FGF12: variants seen among roughly 807,000 people sequenced by gnomAD.
The protein encoded by FGF12 is fibroblast growth factor 12B.
In FGF12, 14 loss-of-function variants were observed where a neutral mutation model predicts 23.6. That is an observed-to-expected ratio of 0.59 (90% CI 0.39 to 0.93). The LOEUF is 0.93. FGF12 is among the 40% of genes least tolerant of loss of function. FGF12 has a pLI of 0.00. For synonymous variants in FGF12, 62 were observed against 77.3 expected (o/e 0.80, Z 1.04); for missense variants, 175 against 217.8 (o/e 0.80, Z 1.24).
At chr3:192,714,478 A>G (rs75553829) in intron 2 of FGF12, among the ~76,000 whole-genome samples, 8,166 of 150,618 alleles carry the variant, frequency 0.054, 420 homozygotes, top group East Asian at 0.19. Flanking sequence ...AGTCTGTTAT[A>G]ATTCTGAGTC....
chr3:192,720,291 G>C (rs570100823), intron 2 of FGF12, among the ~76,000 whole-genome samples: 17 of 152,334 alleles, frequency 1.1e-4, no homozygotes, highest in Non-Finnish European at 2.1e-4. Flanking sequence ...AAAAAGCCAG[G>C]CAGAGTATGC....
intron 2 of FGF12, among the ~76,000 whole-genome samples, chr3:192,686,479 G>A (rs777128088): frequency 2.0e-5 from 3 of 152,152 alleles, no homozygotes; most frequent in East Asian, 1.9e-4. Context: ...CTATCTCACC[G>A]ACCTCATGCC....
At chr3:192,630,348 C>T (rs1487284774) in intron 2 of FGF12, among the ~76,000 whole-genome samples, 1 of 151,922 alleles carries the variant, frequency 6.6e-6, no homozygotes, top group African/African-American at 2.4e-5. Flanking sequence ...AATGCGAGAA[C>T]AGCCTAACAC....
At chr3:192,543,246 C>T (rs1366506388) in intron 2 of FGF12, among the ~76,000 whole-genome samples, 1 of 152,176 alleles carries the variant, frequency 6.6e-6, no homozygotes, top group Non-Finnish European at 1.5e-5. Context: ...ACTCTTCCCT[C>T]CCTTTTCTGT....
intron 2 of FGF12, among the ~76,000 whole-genome samples, chr3:192,720,344 C>A (rs1718999306): frequency 1.3e-5 from 2 of 152,228 alleles, no homozygotes; most frequent in South Asian, 4.1e-4. Context: ...CAACAGGTGT[C>A]CTTTGGGACT....
chr3:192,646,859 C>T (rs893901418), intron 2 of FGF12, among the ~76,000 whole-genome samples: 4 of 151,980 alleles, frequency 2.6e-5, no homozygotes, highest in Admixed American at 6.6e-5. Context: ...GTAAACTTTA[C>T]GGTATGTAAA....
In FGF12 at chr3:192,506,961, G is replaced by A. The variant is rs188285057; in HGVS notation, c.14-146423C>T. Among the ~76,000 whole-genome samples the A allele has an allele frequency of 4.0e-3, 587 of 147,356 alleles. 2 individuals carry two copies. Among genetic ancestry groups the A allele is most frequent in the Admixed American group, 9.0e-3 (131 of 14,602 alleles). On this transcript the variant is annotated intron_variant, in intron 2 of 5. Coordinates refer to ENST00000445105, the MANE Select transcript of FGF12 (RefSeq NM_004113.6). ...GGCTGGAGTGTAGTGGTGTGATCTC[G>A]GCTCACTGAAAGCTCCGCCTCCTGG...
intron 2 of FGF12, among the ~76,000 whole-genome samples, chr3:192,596,143 ATACTCT>A (rs1713842208): frequency 2.0e-5 from 3 of 148,022 alleles, no homozygotes; most frequent in African/African-American, 7.4e-5. Context: ...ATAATATAAT[ATACTCT>A]TAAAATGTGA....
At chr3:192,407,015 A>G (rs1332380656) in intron 2 of FGF12, among the ~76,000 whole-genome samples, 1 of 152,192 alleles carries the variant, frequency 6.6e-6, no homozygotes, top group Non-Finnish European at 1.5e-5. Flanking sequence ...TGCAGCCACA[A>G]CCCAGAAAAC....
chr3:192,386,960 C>T (rs1188969376), intron 2 of FGF12, among the ~76,000 whole-genome samples: 2 of 152,194 alleles, frequency 1.3e-5, no homozygotes, highest in African/African-American at 4.8e-5. Context: ...TTGACATTCA[C>T]CTGTCTGTTG....
chr3:192,394,417 T>C (rs1720433447), intron 2 of FGF12, among the ~76,000 whole-genome samples: 1 of 152,198 alleles, frequency 6.6e-6, no homozygotes, highest in African/African-American at 2.4e-5. Context: ...AATATACATG[T>C]CAAACCTTCT....
chr3:192,194,196 T>C (rs1193861777), intron 4 of FGF12, among the ~76,000 whole-genome samples: 1 of 152,214 alleles, frequency 6.6e-6, no homozygotes, highest in Non-Finnish European at 1.5e-5. Flanking sequence ...GTAAAATGTA[T>C]GACAAGAGAT....
At chr3:192,541,851 T>C (rs1468345097) in intron 2 of FGF12, among the ~76,000 whole-genome samples, 1 of 151,966 alleles carries the variant, frequency 6.6e-6, no homozygotes. Context: ...TCATGCCACT[T>C]TCTCCTGATC....
intron 4 of FGF12, among the ~76,000 whole-genome samples, chr3:192,224,148 A>G (rs973424851): frequency 6.6e-6 from 1 of 152,174 alleles, no homozygotes; most frequent in Non-Finnish European, 1.5e-5. Flanking sequence ...TATTACTACT[A>G]GACAAACTGA....
At chr3:192,158,632 G>GT (rs1487149874) in intron 5 of FGF12, among the ~76,000 whole-genome samples, 2 of 8,356 alleles carry the variant, frequency 2.4e-4, no homozygotes, top group Admixed American at 1.5e-3. Flanking sequence ...CTTTCTCTCT[G>GT]TTTTTTCCCT....
intron 2 of FGF12, among the ~76,000 whole-genome samples, chr3:192,698,917 T>C (rs2108728065): frequency 6.6e-6 from 1 of 151,966 alleles, no homozygotes; most frequent in East Asian, 1.9e-4. Context: ...CATCACATTG[T>C]TCACTTCCAT....
chr3:192,175,159 C>A (rs74967543), intron 4 of FGF12, among the ~76,000 whole-genome samples: 1 of 152,090 alleles, frequency 6.6e-6, no homozygotes, highest in South Asian at 2.1e-4. Flanking sequence ...TGTGTTCAGA[C>A]TGACAAAAAA....
At chr3:192,517,656 C>A (rs1181288681) in intron 2 of FGF12, among the ~76,000 whole-genome samples, 1 of 152,158 alleles carries the variant, frequency 6.6e-6, no homozygotes, top group South Asian at 2.1e-4. Context: ...TATTTTCTTA[C>A]TGTATAGTAT....
intron 4 of FGF12, among the ~76,000 whole-genome samples, chr3:192,233,330 G>A (rs558501125): frequency 1.3e-5 from 2 of 152,082 alleles, no homozygotes. Flanking sequence ...TCATATGCTT[G>A]TTGGCCATGT....
Sources: gnomAD v4.1 joint callset for allele counts (sites outside exome capture counted in the v4.1 genomes callset) on GRCh38, gnomAD v4.1.1 for gene constraint, MANE v1.5 for transcripts, NCBI Gene and HGNC (gene_info 2026-07-23, HGNC 2026-07-21) for gene names.